The following KIFC3 variants were observed in gnomAD, a reference collection of about 807,000 sequenced individuals.
The protein encoded by KIFC3 is kinesin-like protein KIFC3.
In KIFC3, 60 loss-of-function variants were observed where a neutral mutation model predicts 101.8. That is an observed-to-expected ratio of 0.59 (90% CI 0.48 to 0.73). The LOEUF is 0.73. KIFC3 is among the 30% of genes least tolerant of loss of function. The pLI, the probability that KIFC3 is intolerant of heterozygous loss-of-function variation, is 0.00. For missense variants in KIFC3, 966 were observed against 1,137.1 expected, an observed-to-expected ratio of 0.85 and a Z score of 2.16; for synonymous variants, 476 against 482.7, an observed-to-expected ratio of 0.99 and a Z score of 0.18.
At chr16:57,816,634 C>G (rs1555628894) in intron 1 of KIFC3, 1 of 456,580 alleles carries the variant, frequency 2.2e-6, no homozygotes, top group Non-Finnish European at 4.4e-6. Context: ...CAGAAACCAG[C>G]CCTGGGCAGC....
intron 3 of KIFC3, among the ~76,000 whole-genome samples, chr16:57,788,947 T>A (rs2053607523): frequency 6.6e-6 from 1 of 152,226 alleles, no homozygotes; most frequent in Non-Finnish European, 1.5e-5. Context: ...GCAGCTGGTC[T>A]TCTGCACCAG....
At chr16:57,793,313 C>T (rs1397981524) in intron 3 of KIFC3, among the ~76,000 whole-genome samples, 1 of 148,302 alleles carries the variant, frequency 6.7e-6, no homozygotes. Context: ...ATAAATATGG[C>T]TGGGTGCACT....
chr16:57,807,181 C>T (rs2054956226), upstream of KIFC3, among the ~76,000 whole-genome samples: 1 of 151,810 alleles, frequency 6.6e-6, no homozygotes, highest in Non-Finnish European at 1.5e-5. Context: ...CATGCCACTG[C>T]ACTCCAGCCT....
Position 57,766,994 on chromosome 16 carries a change from G to A in KIFC3, c.1219-9C>T, listed in dbSNP as rs782336851. ...TCGATGGCCTGGCCTATCTGGTGGG[G>A]GGTGCACACCACTGTCAGGGGGACG... On this transcript the variant is annotated splice_polypyrimidine_tract_variant and intron_variant, in intron 9 of 19. Transcript: ENST00000445690. 3.1e-6 allele frequency: 5 copies of A among 1,598,182 alleles called. No homozygotes were observed. Among genetic ancestry groups the A allele is most frequent in the East Asian group, 2.2e-5 (1 of 44,792 alleles).
chr16:57,793,385 G>C (rs528437141), intron 3 of KIFC3, among the ~76,000 whole-genome samples: 1 of 152,038 alleles, frequency 6.6e-6, no homozygotes, highest in African/African-American at 2.4e-5. Context: ...TCGAGGTTAG[G>C]AGTTCAAGAC....
chr16:57,845,292 C>G (rs537212842), intron 1 of KIFC3, among the ~76,000 whole-genome samples: 1 of 152,290 alleles, frequency 6.6e-6, no homozygotes, highest in South Asian at 2.1e-4. Context: ...TGCCAGTGCC[C>G]CCACCATCCC....
chr16:57,804,974 C>A (rs995768821), upstream of KIFC3, among the ~76,000 whole-genome samples: 3 of 150,810 alleles, frequency 2.0e-5, no homozygotes, highest in African/African-American at 4.9e-5. Flanking sequence ...GGATTACAGG[C>A]GCACACCACC....
In KIFC3 at chr16:57,765,571, T is replaced by C. The variant is rs201687671; in HGVS notation, c.1400A>G (p.Asn467Ser). 8.7e-6 allele frequency: 14 copies of C among 1,609,894 alleles called. No homozygotes were observed. Among genetic ancestry groups the C allele is most frequent in the African/African-American group, 4.0e-5 (3 of 75,014 alleles). ...GTCGTCGGCATCGAAAGTCACAGCATTGGTGGCCTCAGGTCCTTCCCCATC... is the reference window on the plus strand; with the variant it reads ...GTCGTCGGCATCGAAAGTCACAGCACTGGTGGCCTCAGGTCCTTCCCCATC... ...KEDGEGPEAT[N>S]AVTFDADDDS... Residue 467 changes from asparagine (N) to serine (S), a missense_variant, in exon 11 of 20, where the codon AAT (asparagine) becomes AGT (serine). Asn to Ser is a conservative substitution (Grantham distance 46). This residue lies in a region of KIFC3 where 689 missense variants were observed against 884.6 expected (regional missense o/e 0.78). Transcript: ENST00000445690.
chr16:57,768,362 CT>C (rs2050726965), intron 9 of KIFC3, among the ~76,000 whole-genome samples: 2 of 152,176 alleles, frequency 1.3e-5, no homozygotes, highest in African/African-American at 4.8e-5. Context: ...CAAAAAAATG[CT>C]GTGTAAATAG....
At chr16:57,827,882 G>A (rs1568091988) in intron 1 of KIFC3, among the ~76,000 whole-genome samples, 1 of 152,222 alleles carries the variant, frequency 6.6e-6, no homozygotes. Context: ...TTTGTACTGA[G>A]CACTAACTAC....
chr16:57,785,498 T>G (rs782033608), intron 3 of KIFC3: 1 of 1,288,680 alleles, frequency 7.8e-7, no homozygotes, highest in South Asian at 1.2e-5. Context: ...GGCCTGCTGG[T>G]CACTGTCGCG....
rs148194825 is a variant in KIFC3 at position 57,833,265 on chromosome 16, G to A, written c.108+29464C>T. Among the ~76,000 whole-genome samples the A allele has an allele frequency of 7.0e-3, 1,060 of 152,158 alleles. 18 individuals carry two copies. The highest frequency in any genetic ancestry group is 0.042 in the South Asian group (202 of 4,814). On this transcript the variant is annotated intron_variant, in intron 1 of 2. Transcript: ENST00000563028. ...GAGGGCAGAGGGGACAGTGGCTACC[G>A]TTTCCTATCTTGTATAAGATGTAGT...
intron 11 of KIFC3, 118 bp from the exon 12 acceptor site, chr16:57,764,365 T>C (rs1374450282): frequency 3.1e-6 from 2 of 636,614 alleles, no homozygotes; most frequent in Admixed American, 2.4e-5. Context: ...ACATCACGTG[T>C]TACTGCAGTC....
intron 1 of KIFC3, among the ~76,000 whole-genome samples, chr16:57,857,692 C>T (rs2056200666): frequency 1.3e-5 from 2 of 151,372 alleles, no homozygotes; most frequent in African/African-American, 4.8e-5. Context: ...TGATGGTTTC[C>T]AGCTTCATCC....
At chr16:57,765,915 GC>G (rs2050428793) in intron 10 of KIFC3, 1 of 387,266 alleles carries the variant, frequency 2.6e-6, no homozygotes, top group African/African-American at 2.1e-5. Context: ...CTCAAGCACT[GC>G]ACCCCGTCAG....
chr16:57,764,171 G>A lies in KIFC3; in HGVS notation c.1589C>T (p.Thr530Met). The A allele has an allele frequency of 1.2e-6, 2 of 1,612,476 alleles. No homozygotes were observed. The highest frequency in any genetic ancestry group is 8.5e-7 in the Non-Finnish European group (1 of 1,179,546). The change falls in exon 12 of 20, where the codon ACG (threonine) becomes ATG (methionine). Residue 530 changes from threonine to methionine, a missense_variant. Thr to Met is a moderately conservative substitution (Grantham distance 81, BLOSUM62 -1). Transcript: ENST00000445690. ...CATCGTGTACGTCTTGCCGGCGCCC[G>A]TCTGGCCGTACGCAAAGATGCAGAC... ...FNVCIFAYGQ[T>M]GAGKTYTMEG...
At chr16:57,779,082 A>G (rs1555613205) in intron 3 of KIFC3, among the ~76,000 whole-genome samples, 1 of 152,234 alleles carries the variant, frequency 6.6e-6, no homozygotes, top group Non-Finnish European at 1.5e-5. Flanking sequence ...ATTTCTGGGT[A>G]TATACCCAAA....
intron 1 of KIFC3, chr16:57,816,980 C>A: frequency 3.0e-6 from 1 of 329,050 alleles, no homozygotes; most frequent in Non-Finnish European, 6.0e-6. Flanking sequence ...TGGCATGGAG[C>A]ACTTTTTCTG....
chr16:57,805,657 G>T (rs116515763), upstream of KIFC3, among the ~76,000 whole-genome samples: 962 of 150,628 alleles, frequency 6.4e-3, 10 homozygotes, highest in African/African-American at 0.023. Context: ...TGTGTTCACG[G>T]TGGTATGCCC....
Sources: allele counts gnomAD v4.1 joint callset (sites outside exome capture counted in the v4.1 genomes callset), GRCh38; gene constraint gnomAD v4.1.1; regional missense constraint gnomAD v4.1.1; transcripts MANE v1.5; gene names NCBI Gene and HGNC (gene_info 2026-07-23, HGNC 2026-07-21).